MEOX2: variants seen among roughly 807,000 people sequenced by gnomAD.
The protein encoded by MEOX2 is mesenchyme homeobox 2.
Under a neutral mutation model 27.0 loss-of-function variants are expected in MEOX2, and 11 were observed. That is an observed-to-expected ratio of 0.41 (90% CI 0.26 to 0.68). The LOEUF is 0.68. MEOX2 is among the 30% of genes least tolerant of loss of function. The pLI is 0.33. For missense variants in MEOX2, 436 were observed against 385.4 expected, an observed-to-expected ratio of 1.13 and a Z score of -1.10; for synonymous variants, 189 against 155.4, an observed-to-expected ratio of 1.22 and a Z score of -1.61.
chr7:15,649,506 C>T (rs1240773645), intron 1 of MEOX2, among the ~76,000 whole-genome samples: 1 of 152,002 alleles, frequency 6.6e-6, no homozygotes, highest in Non-Finnish European at 1.5e-5. Flanking sequence ...GATAGTTCTT[C>T]TAGAAAGGAC....
At chr7:15,638,578 T>C (rs1043992878) in intron 1 of MEOX2, among the ~76,000 whole-genome samples, 3 of 152,102 alleles carry the variant, frequency 2.0e-5, no homozygotes, top group African/African-American at 7.2e-5. Flanking sequence ...TTTGGGCTTC[T>C]AGTGAACCCA....
intron 1 of MEOX2, among the ~76,000 whole-genome samples, chr7:15,640,674 G>T (rs1781545711): frequency 6.6e-6 from 1 of 152,098 alleles, no homozygotes; most frequent in Non-Finnish European, 1.5e-5. Flanking sequence ...GTCATACATG[G>T]CTCTTAGTAT....
chr7:15,620,998 C>T (rs1047797991), intron 2 of MEOX2, among the ~76,000 whole-genome samples: 2 of 152,280 alleles, frequency 1.3e-5, no homozygotes, highest in East Asian at 1.9e-4. Flanking sequence ...TGCTTTCTCT[C>T]GTCTTCCCAC....
chr7:15,680,054 T>C (rs1490442182), intron 1 of MEOX2: 1 of 151,912 alleles, frequency 6.6e-6, no homozygotes, highest in East Asian at 1.9e-4. Flanking sequence ...GAGCTACTTA[T>C]TATTCCGGAA....
chr7:15,655,834 G>T (rs1468047499), intron 1 of MEOX2, among the ~76,000 whole-genome samples: 1 of 151,676 alleles, frequency 6.6e-6, no homozygotes, highest in South Asian at 2.1e-4. Flanking sequence ...GCTGTTTCAG[G>T]ATAGAATATT....
At chr7:15,627,817 A>ACACACACACACACACACT (rs1193349776) in intron 1 of MEOX2, among the ~76,000 whole-genome samples, 1 of 151,882 alleles carries the variant, frequency 6.6e-6, no homozygotes, top group Non-Finnish European at 1.5e-5. Flanking sequence ...AAACACACAC[A>ACACACACACACACACACT]CACACACACG....
At chr7:15,616,731 TAC>T (rs1222415583) in intron 2 of MEOX2, among the ~76,000 whole-genome samples, 1 of 151,992 alleles carries the variant, frequency 6.6e-6, no homozygotes, top group African/African-American at 2.4e-5. Context: ...ATTTATAAAC[TAC>T]ACAGAGTACA....
chr7:15,685,182 ACATGT>A (rs1344694143), intron 1 of MEOX2, among the ~76,000 whole-genome samples: 1 of 152,198 alleles, frequency 6.6e-6, no homozygotes, highest in Non-Finnish European at 1.5e-5. Flanking sequence ...CACCACATGG[ACATGT>A]ACTATTAAGG....
At chr7:15,644,866 G>A (rs1308146561) in intron 1 of MEOX2, among the ~76,000 whole-genome samples, 2 of 152,148 alleles carry the variant, frequency 1.3e-5, no homozygotes, top group African/African-American at 4.8e-5. Flanking sequence ...TTCCAAGCCA[G>A]TAAGCTAAGG....
At chr7:15,648,699 C>T (rs1781687948) in intron 1 of MEOX2, among the ~76,000 whole-genome samples, 1 of 152,044 alleles carries the variant, frequency 6.6e-6, no homozygotes, top group Non-Finnish European at 1.5e-5. Context: ...TAGAAACCAG[C>T]TTTGAGAAAA....
At chr7:15,630,825 T>G (rs1013222888) in intron 1 of MEOX2, among the ~76,000 whole-genome samples, 7 of 152,052 alleles carry the variant, frequency 4.6e-5, no homozygotes, top group African/African-American at 1.7e-4. Context: ...AAAGGGGAAA[T>G]TGCCTTCTTT....
intron 1 of MEOX2, among the ~76,000 whole-genome samples, chr7:15,665,413 G>C (rs1281632139): frequency 6.6e-6 from 1 of 152,136 alleles, no homozygotes; most frequent in Non-Finnish European, 1.5e-5. Flanking sequence ...TTTAGAAAGA[G>C]AATACAAGAA....
intron 1 of MEOX2, among the ~76,000 whole-genome samples, chr7:15,664,953 T>C (rs1474660543): frequency 1.3e-5 from 2 of 152,054 alleles, no homozygotes; most frequent in African/African-American, 2.4e-5. Flanking sequence ...CCTGGCAGTC[T>C]CCTGTTTCAA....
chr7:15,682,307 G>C (rs1782306046), intron 1 of MEOX2, among the ~76,000 whole-genome samples: 1 of 151,556 alleles, frequency 6.6e-6, no homozygotes, highest in Non-Finnish European at 1.5e-5. Context: ...GAAATATCTT[G>C]GAAATATTAC....
intron 1 of MEOX2, among the ~76,000 whole-genome samples, chr7:15,676,619 C>A (rs1782197110): frequency 6.6e-6 from 1 of 151,972 alleles, no homozygotes; most frequent in Non-Finnish European, 1.5e-5. Flanking sequence ...ACCTGTAATC[C>A]CAGCACTTTG....
At chr7:15,615,495 C>T (rs911277643) in intron 2 of MEOX2, among the ~76,000 whole-genome samples, 7 of 151,884 alleles carry the variant, frequency 4.6e-5, no homozygotes, top group African/African-American at 1.4e-4. Context: ...GTAATTCTCC[C>T]ACTTGATATA....
chr7:15,672,159 AT>A (rs1782110949), intron 1 of MEOX2, among the ~76,000 whole-genome samples: 1 of 152,126 alleles, frequency 6.6e-6, no homozygotes, highest in Non-Finnish European at 1.5e-5. Flanking sequence ...TCTATTTTTT[AT>A]TTTCAAATCA....
chr7:15,681,480 A>G (rs2115398072), intron 1 of MEOX2: 1 of 150,380 alleles, frequency 6.6e-6, no homozygotes, highest in South Asian at 2.1e-4. Context: ...TTAAGTGCAA[A>G]AAAAAATGTA....
chr7:15,633,319 T>C (rs760086227), intron 1 of MEOX2, among the ~76,000 whole-genome samples: 1 of 151,914 alleles, frequency 6.6e-6, no homozygotes, highest in African/African-American at 2.4e-5. Flanking sequence ...TGTCAGCAAA[T>C]GGCCTGGAAT....
Sources: allele counts gnomAD v4.1 joint callset (sites outside exome capture counted in the v4.1 genomes callset), GRCh38; gene constraint gnomAD v4.1.1; transcripts MANE v1.5; gene names NCBI Gene and HGNC (gene_info 2026-07-23, HGNC 2026-07-21).